The following FAM24B variants were observed in gnomAD, a reference collection of about 807,000 sequenced individuals.
FAM24B encodes the protein protein FAM24B.
FAM24B carries 3 observed loss-of-function variants against 2.3 expected under a neutral mutation model. That is an observed-to-expected ratio of 1.29 (90% CI 0.59 to 3.32). The LOEUF (loss-of-function observed/expected upper bound fraction) is 3.32, where lower values mean the gene tolerates loss of function less well. Among genes scored for constraint, FAM24B ranks in the 30% most tolerant of loss-of-function variants. The pLI is 0.03. For missense variants in FAM24B, 98 were observed against 117.2 expected (o/e 0.84, Z 0.76); for synonymous variants, 36 against 46.3 (o/e 0.78, Z 0.90).
chr10:122,870,155 C>T (rs1178441715), intron 1 of FAM24B, among the ~76,000 whole-genome samples: 1 of 152,170 alleles, frequency 6.6e-6, no homozygotes, highest in East Asian at 1.9e-4. Context: ...ATACTATAAA[C>T]ACCTCTATGC....
intron 1 of FAM24B, among the ~76,000 whole-genome samples, chr10:122,870,982 G>C (rs1214758412): frequency 6.6e-6 from 1 of 152,208 alleles, no homozygotes; most frequent in Non-Finnish European, 1.5e-5. Context: ...ATTAGGAAAA[G>C]AGGAAGTCAA....
At chr10:122,867,605 C>T (rs1440439695) in intron 1 of FAM24B, among the ~76,000 whole-genome samples, 9 of 152,160 alleles carry the variant, frequency 5.9e-5, no homozygotes, top group Admixed American at 5.2e-4. Flanking sequence ...TCCAGAGAAA[C>T]GAACAGGCAG....
chr10:122,860,789 T>C (rs1401721495), intron 1 of FAM24B, among the ~76,000 whole-genome samples: 2 of 152,240 alleles, frequency 1.3e-5, no homozygotes, highest in Non-Finnish European at 2.9e-5. Context: ...CATCTTTTCA[T>C]ATGCTTATTT....
intron 1 of FAM24B, among the ~76,000 whole-genome samples, chr10:122,872,593 A>G (rs893811926): frequency 6.6e-6 from 1 of 152,204 alleles, no homozygotes; most frequent in Non-Finnish European, 1.5e-5. Context: ...ACACCATGGA[A>G]TACTATGCAG....
Position 122,849,139 on chromosome 10 carries a change from CTG to C in FAM24B, c.*106_*107del. On this transcript the variant is annotated 3_prime_UTR_variant, in exon 4 of 4. Transcript: ENST00000368898. ...TTATTCAAAAGTATATAAAACAACA[CTG>C]TAAATTATATAATCTCACATAAAAA... The C allele has an allele frequency of 1.3e-6, 1 of 782,718 alleles. No individual in the cohort carries two copies. The highest frequency in any genetic ancestry group is 1.9e-6 in the Non-Finnish European group (1 of 529,358). 48.5% of individuals were successfully genotyped at this position (782,718 alleles called of 1,614,324 possible).
chr10:122,856,442 G>A (rs1847638710), intron 1 of FAM24B, among the ~76,000 whole-genome samples: 1 of 152,246 alleles, frequency 6.6e-6, no homozygotes, highest in South Asian at 2.1e-4. Context: ...CTGCAGCAAG[G>A]AGTGACCCTG....
chr10:122,868,734 G>C (rs1479090700), intron 1 of FAM24B, among the ~76,000 whole-genome samples: 1 of 152,194 alleles, frequency 6.6e-6, no homozygotes, highest in African/African-American at 2.4e-5. Flanking sequence ...AGCAAATGCT[G>C]AGAGATTTTG....
At chr10:122,870,127 A>G (rs1271380593) in intron 1 of FAM24B, among the ~76,000 whole-genome samples, 1 of 152,216 alleles carries the variant, frequency 6.6e-6, no homozygotes. Context: ...CCACAGAAAT[A>G]CAAACTACCA....
chr10:122,875,918 G>A lies in FAM24B; in HGVS notation c.-178+3567C>T, dbSNP rs139616216. ...AGAGAAGAATGCTTCAAGTGAGCATGCATACAACTCCAGTAAACACACTAT... is the reference window on the plus strand; with the variant it reads ...AGAGAAGAATGCTTCAAGTGAGCATACATACAACTCCAGTAAACACACTAT... On this transcript the variant is annotated intron_variant, in intron 1 of 3. Coordinates refer to ENST00000368898, the MANE Select transcript of FAM24B (RefSeq NM_152644.3). 2.2e-3 allele frequency among the ~76,000 whole-genome samples: 336 copies of A among 152,300 alleles called. 1 individual carries two copies. Among genetic ancestry groups the A allele is most frequent in the Non-Finnish European group, 3.6e-3 (243 of 68,030 alleles).
At chr10:122,876,891 C>T (rs1847983753) in intron 1 of FAM24B, among the ~76,000 whole-genome samples, 1 of 152,104 alleles carries the variant, frequency 6.6e-6, no homozygotes, top group Non-Finnish European at 1.5e-5. Context: ...CTAGAATATT[C>T]AATATTTTGA....
chr10:122,866,414 T>C (rs556472724), intron 1 of FAM24B, among the ~76,000 whole-genome samples: 1 of 152,060 alleles, frequency 6.6e-6, no homozygotes, highest in South Asian at 2.1e-4. Context: ...CTGCTTGTTT[T>C]AGGTATACAG....
At chr10:122,873,574 A>G (rs1847932846) in intron 1 of FAM24B, among the ~76,000 whole-genome samples, 1 of 152,264 alleles carries the variant, frequency 6.6e-6, no homozygotes, top group South Asian at 2.1e-4. Flanking sequence ...TGGATCAAGG[A>G]GTAATTTCAA....
chr10:122,869,758 C>T, intron 1 of FAM24B, among the ~76,000 whole-genome samples: 1 of 152,006 alleles, frequency 6.6e-6, no homozygotes, highest in East Asian at 1.9e-4. Context: ...CACAGCATAC[C>T]AGAATCTCTG....
At chr10:122,870,877 A>G (rs1253157514) in intron 1 of FAM24B, among the ~76,000 whole-genome samples, 1 of 152,218 alleles carries the variant, frequency 6.6e-6, no homozygotes, top group Admixed American at 6.5e-5. Flanking sequence ...AACTGGCACA[A>G]GACAGGGATG....
chr10:122,860,209 A>G (rs1011560363), intron 1 of FAM24B, among the ~76,000 whole-genome samples: 2 of 152,086 alleles, frequency 1.3e-5, no homozygotes, highest in Admixed American at 6.5e-5. Context: ...TCTCCCCTAT[A>G]TGCCACCACT....
intron 1 of FAM24B, among the ~76,000 whole-genome samples, chr10:122,867,948 T>A (rs1847827195): frequency 6.6e-6 from 1 of 152,162 alleles, no homozygotes. Flanking sequence ...GGAGAATGAC[T>A]TTGACGAGTT....
chr10:122,852,584 C>T (rs984312325), intron 2 of FAM24B, among the ~76,000 whole-genome samples: 2 of 152,184 alleles, frequency 1.3e-5, no homozygotes, highest in African/African-American at 4.8e-5. Flanking sequence ...TTCACCAGGC[C>T]TCCTCTGATG....
intron 1 of FAM24B, among the ~76,000 whole-genome samples, chr10:122,859,641 A>G (rs1401359600): frequency 6.6e-6 from 1 of 152,220 alleles, no homozygotes; most frequent in Non-Finnish European, 1.5e-5. Context: ...TAGGTCAGGA[A>G]CCTAGAAAAC....
chr10:122,849,505 G>C (rs1847490889), intron 3 of FAM24B, 66 bp from the exon 4 acceptor site: 1 of 1,441,534 alleles, frequency 6.9e-7, no homozygotes, highest in Non-Finnish European at 9.4e-7. Context: ...TGTTAGAACT[G>C]TTGGGGGGTA....
Sources: gnomAD v4.1 joint callset for allele counts (sites outside exome capture counted in the v4.1 genomes callset) on GRCh38, gnomAD v4.1.1 for gene constraint, MANE v1.5 for transcripts, NCBI Gene and HGNC (gene_info 2026-07-23, HGNC 2026-07-21) for gene names.